Variants in RIMS2 observed in about 807,000 individuals in gnomAD.
The protein encoded by RIMS2 is regulating synaptic membrane exocytosis protein 2.
Under a neutral mutation model 174.4 loss-of-function variants are expected in RIMS2, and 59 were observed. That is an observed-to-expected ratio of 0.34 (90% CI 0.27 to 0.42). The LOEUF (loss-of-function observed/expected upper bound fraction) is 0.42. Ranked by LOEUF, RIMS2 falls within the 10% of genes least tolerant of loss-of-function variation. The pLI is 1.00. For missense variants in RIMS2, 1,620 were observed against 1,666.3 expected, an observed-to-expected ratio of 0.97 and a Z score of 0.48; for synonymous variants, 606 against 572.5, an observed-to-expected ratio of 1.06 and a Z score of -0.84.
At position 103,778,418 on chromosome 8, in the gene RIMS2, C is replaced by T. The variant is rs1592153531; in HGVS notation, c.698+11881C>T. 2.0e-5 allele frequency among the ~76,000 whole-genome samples: 3 copies of T among 152,168 alleles called. No homozygotes were observed. In the East Asian group the frequency reaches 5.8e-4, roughly 29 times the overall value. The stretch of plus-strand genomic sequence containing the variant: ...ACCTCCTTATGCTCCTTCCCTCTGC[C>T]CTTTCTGGCCTCTGGTAACCATCAA... On this transcript the variant is annotated intron_variant, in intron 3 of 23. Coordinates refer to ENST00000504942, the Ensembl canonical transcript of RIMS2.
chr8:103,605,362 G>C (rs1381066166), intron 1 of RIMS2, among the ~76,000 whole-genome samples: 1 of 138,738 alleles, frequency 7.2e-6, no homozygotes, highest in Non-Finnish European at 1.5e-5. Flanking sequence ...ACTTGATCAT[G>C]GTGGATAAGC....
At chr8:104,023,548 A>C (rs1344743539) in intron 19 of RIMS2, among the ~76,000 whole-genome samples, 1 of 152,206 alleles carries the variant, frequency 6.6e-6, no homozygotes, top group East Asian at 1.9e-4. Context: ...TGAATAGAAA[A>C]ATAATGGAGT....
chr8:104,148,768 G>T (rs775941559), intron 19 of RIMS2: 1 of 1,598,374 alleles, frequency 6.3e-7, no homozygotes, highest in South Asian at 1.1e-5. Context: ...AAAAAGCGGC[G>T]CTCTAGCCTT....
At chr8:104,156,724 A>C (rs2098726579) in intron 19 of RIMS2, among the ~76,000 whole-genome samples, 1 of 152,206 alleles carries the variant, frequency 6.6e-6, no homozygotes, top group Non-Finnish European at 1.5e-5. Flanking sequence ...CTACTGACCT[A>C]GTATGTAACA....
At chr8:103,510,503 T>C (rs1183241037) in intron 1 of RIMS2, among the ~76,000 whole-genome samples, 1 of 152,098 alleles carries the variant, frequency 6.6e-6, no homozygotes, top group Non-Finnish European at 1.5e-5. Flanking sequence ...TCCTTGCTCA[T>C]TTGGGTTGTT....
At chr8:103,579,521 T>A (rs1229934586) in intron 1 of RIMS2, among the ~76,000 whole-genome samples, 1 of 152,100 alleles carries the variant, frequency 6.6e-6, no homozygotes, top group Non-Finnish European at 1.5e-5. Context: ...TAAGAGAAAG[T>A]CTATGTATTT....
intron 17 of RIMS2, among the ~76,000 whole-genome samples, chr8:104,009,488 G>C (rs1156772900): frequency 6.6e-6 from 1 of 151,684 alleles, no homozygotes; most frequent in African/African-American, 2.4e-5. Flanking sequence ...GTAGATACAG[G>C]GTTTCACCAT....
chr8:103,539,250 G>C (rs1841380879), intron 1 of RIMS2, among the ~76,000 whole-genome samples: 1 of 152,142 alleles, frequency 6.6e-6, no homozygotes, highest in Non-Finnish European at 1.5e-5. Flanking sequence ...AGAAATCTTT[G>C]ATGGCTTCTC....
At chr8:104,187,272 G>T (rs1457669737) in intron 19 of RIMS2, among the ~76,000 whole-genome samples, 2 of 151,720 alleles carry the variant, frequency 1.3e-5, no homozygotes, top group Non-Finnish European at 2.9e-5. Flanking sequence ...TAGGCACTTG[G>T]TTTGTTGTTT....
intron 19 of RIMS2, among the ~76,000 whole-genome samples, chr8:104,104,655 G>A (rs904508507): frequency 3.3e-5 from 5 of 152,022 alleles, no homozygotes; most frequent in African/African-American, 4.8e-5. Context: ...CCTGTAATCC[G>A]AGCACTTTGG....
Position 103,720,993 on chromosome 8 carries a change from C to A in RIMS2, c.387+23697C>A, listed in dbSNP as rs565386017. On this transcript the variant is annotated intron_variant, in intron 2 of 23. Transcript: ENST00000504942. ...TCAAATCTCATGTTCAGTTGTAATC[C>A]CCAGTGTTAGAGGCGGGGCCTGGTG... Among the ~76,000 whole-genome samples, 9 of 152,062 alleles carry A rather than the reference C, an allele frequency of 5.9e-5. No homozygotes were observed. In the South Asian group the frequency reaches 1.9e-3, roughly 32 times the overall value.
intron 19 of RIMS2, among the ~76,000 whole-genome samples, chr8:104,137,083 T>C (rs1797947721): frequency 6.6e-6 from 1 of 152,174 alleles, no homozygotes; most frequent in Admixed American, 6.6e-5. Context: ...TTATGAATGG[T>C]TTTTATTGAA....
rs115795740 is a variant in RIMS2 at position 104,052,756 on chromosome 8, G to A, written c.3334+38141G>A. Among the ~76,000 whole-genome samples, 530 of 152,202 alleles carry A rather than the reference G, an allele frequency of 3.5e-3. 3 individuals are homozygous for A. Among genetic ancestry groups the A allele is most frequent in the African/African-American group, 0.011 (436 of 41,522 alleles). On this transcript the variant is annotated intron_variant, in intron 19 of 23. Transcript: ENST00000504942. ...GACTAGGAGACAACTGGAAATGTGC[G>A]TCTTAGAGCTTACAGGAAAGGTAGA...
At chr8:103,742,212 T>G (rs2097768565) in intron 2 of RIMS2, among the ~76,000 whole-genome samples, 1 of 152,082 alleles carries the variant, frequency 6.6e-6, no homozygotes, top group Non-Finnish European at 1.5e-5. Context: ...TTGAGATGGA[T>G]ATAAAGATCC....
intron 2 of RIMS2, among the ~76,000 whole-genome samples, chr8:103,749,060 A>G (rs2097854158): frequency 6.6e-6 from 1 of 151,840 alleles, no homozygotes; most frequent in Non-Finnish European, 1.5e-5. Context: ...CGGCCTCCCA[A>G]AGTGCTGGGA....
At chr8:104,000,238 A>T (rs899289505) in intron 17 of RIMS2, among the ~76,000 whole-genome samples, 1 of 151,670 alleles carries the variant, frequency 6.6e-6, no homozygotes, top group African/African-American at 2.4e-5. Flanking sequence ...GGTAACTACC[A>T]TTCTATTCAC....
intron 15 of RIMS2, among the ~76,000 whole-genome samples, chr8:103,969,312 G>T (rs1453935004): frequency 6.6e-6 from 1 of 151,698 alleles, no homozygotes; most frequent in East Asian, 1.9e-4. Flanking sequence ...TCTCTTTCTG[G>T]TATTCTCATT....
rs184207196 is a variant in RIMS2, at chr8:103,894,885, C to T, written c.1624+8662C>T. 1.3e-5 allele frequency among the ~76,000 whole-genome samples: 2 copies of T among 151,606 alleles called. 1 individual carries two copies. The highest frequency in any genetic ancestry group is 4.9e-5 in the African/African-American group (2 of 41,090). On this transcript the variant is annotated intron_variant, in intron 4 of 23. Transcript: ENST00000504942. ...AAAAAGTTTGCCAGTCCCTGGATTA[C>T]AGTACAGTATGCATTGTTCATTTTC...
At chr8:104,203,166 T>C (rs974242758) in intron 19 of RIMS2, among the ~76,000 whole-genome samples, 13 of 152,228 alleles carry the variant, frequency 8.5e-5, no homozygotes, top group Non-Finnish European at 1.9e-4. Context: ...GTAATACATT[T>C]AGTATAAAAT....
Sources: allele counts gnomAD v4.1 joint callset (sites outside exome capture counted in the v4.1 genomes callset), GRCh38; gene constraint gnomAD v4.1.1; transcripts MANE v1.5; gene names NCBI Gene and HGNC (gene_info 2026-07-23, HGNC 2026-07-21).